FAM193A: variants seen among roughly 807,000 people sequenced by gnomAD.
The protein encoded by FAM193A is family with sequence similarity 193 member A, also known as protein FAM193A.
In FAM193A, 22 loss-of-function variants were observed where a neutral mutation model predicts 126.5. The observed-to-expected ratio is 0.17, with a 90% CI of 0.12 to 0.25. The LOEUF is 0.25. Among genes scored for constraint, FAM193A ranks in the 10% least tolerant of loss-of-function variants. FAM193A has a pLI of 1.00. For missense variants in FAM193A, 1,675 were observed against 1,672.8 expected, an observed-to-expected ratio of 1.00 and a Z score of -0.02; for synonymous variants, 761 against 646.8, an observed-to-expected ratio of 1.18 and a Z score of -2.68.
chr4:2,726,862 A>C (rs1262491506), intron 20 of FAM193A, among the ~76,000 whole-genome samples: 2 of 149,260 alleles, frequency 1.3e-5, no homozygotes, highest in Non-Finnish European at 1.5e-5. Flanking sequence ...AGGCAGGAGA[A>C]TCTCTTGAAC....
At chr4:2,703,902 T>A (rs1718018989) in intron 19 of FAM193A, among the ~76,000 whole-genome samples, 1 of 143,834 alleles carries the variant, frequency 7.0e-6, no homozygotes, top group Non-Finnish European at 1.5e-5. Flanking sequence ...AGCCCAGGAG[T>A]TTGAGGCTGC....
chr4:2,641,203 C>T (rs184802622), intron 6 of FAM193A, among the ~76,000 whole-genome samples: 11 of 151,362 alleles, frequency 7.3e-5, no homozygotes, highest in Admixed American at 5.2e-4. Flanking sequence ...TGCACCACCA[C>T]GCCTGGCTAA....
intron 1 of FAM193A, among the ~76,000 whole-genome samples, chr4:2,560,988 C>T (rs1355401619): frequency 6.6e-6 from 1 of 152,156 alleles, no homozygotes; most frequent in Non-Finnish European, 1.5e-5. Context: ...GTGATATCCA[C>T]CTTTCTAGAA....
intron 1 of FAM193A, among the ~76,000 whole-genome samples, chr4:2,554,965 A>G (rs573136000): frequency 1.3e-5 from 2 of 152,164 alleles, no homozygotes; most frequent in Non-Finnish European, 2.9e-5. Flanking sequence ...ATATTATTTG[A>G]AATGAATTTC....
chr4:2,680,946 C>A (rs1292784759), intron 13 of FAM193A, among the ~76,000 whole-genome samples: 1 of 152,130 alleles, frequency 6.6e-6, no homozygotes, highest in Non-Finnish European at 1.5e-5. Context: ...CGAGCCCAGC[C>A]AGTACTTTCT....
At chr4:2,699,086 C>T (rs1383712833) in intron 18 of FAM193A, among the ~76,000 whole-genome samples, 4 of 152,120 alleles carry the variant, frequency 2.6e-5, no homozygotes, top group Non-Finnish European at 4.4e-5. Context: ...TTTGTAGAGA[C>T]GGGGTTTTGC....
At chr4:2,622,231 T>C (rs1245308119) in intron 2 of FAM193A, among the ~76,000 whole-genome samples, 1 of 119,684 alleles carries the variant, frequency 8.4e-6, no homozygotes, top group Non-Finnish European at 1.6e-5. Context: ...CACTCCAGCC[T>C]GGGTGATAGA....
intron 1 of FAM193A, among the ~76,000 whole-genome samples, chr4:2,549,556 T>C (rs13151507): frequency 0.98 from 144,115 of 146,414 alleles, 70,957 homozygotes; most frequent in Middle Eastern, 1. Context: ...GCCACTACGC[T>C]CGGCTAATTT....
intron 1 of FAM193A, among the ~76,000 whole-genome samples, chr4:2,539,009 C>T (rs1382122985): frequency 1.3e-5 from 2 of 151,948 alleles, no homozygotes; most frequent in Non-Finnish European, 2.9e-5. Context: ...TCCTGCCTAA[C>T]CCTCTCAAGT....
chr4:2,690,407 G>GA (rs1349583298), intron 14 of FAM193A, among the ~76,000 whole-genome samples: 1 of 152,220 alleles, frequency 6.6e-6, no homozygotes, highest in Admixed American at 6.5e-5. Flanking sequence ...TGGCCTCTCT[G>GA]AGCCTCAGTT....
intron 13 of FAM193A, among the ~76,000 whole-genome samples, chr4:2,680,097 G>T (rs1053850753): frequency 1.3e-5 from 2 of 152,098 alleles, no homozygotes; most frequent in African/African-American, 4.8e-5. Flanking sequence ...CTGACCTCAG[G>T]TTATCCACCC....
intron 1 of FAM193A, among the ~76,000 whole-genome samples, chr4:2,542,492 A>G (rs1474277708): frequency 1.3e-5 from 2 of 152,204 alleles, no homozygotes. Flanking sequence ...TTTCTTTGTA[A>G]GTATTTTAAT....
At chr4:2,629,203 A>G (rs1179176092) in intron 4 of FAM193A, among the ~76,000 whole-genome samples, 1 of 145,354 alleles carries the variant, frequency 6.9e-6, no homozygotes, top group Non-Finnish European at 1.5e-5. Flanking sequence ...TTAAATTTAT[A>G]AAATACAGAA....
intron 7 of FAM193A, among the ~76,000 whole-genome samples, chr4:2,647,099 G>A (rs1745225149): frequency 1.3e-5 from 2 of 152,136 alleles, no homozygotes; most frequent in African/African-American, 4.8e-5. Context: ...GGGCACACCT[G>A]CTGTCACTCA....
intron 5 of FAM193A, among the ~76,000 whole-genome samples, chr4:2,632,410 A>T (rs1743683286): frequency 7.9e-5 from 12 of 152,138 alleles, no homozygotes; most frequent in South Asian, 4.1e-4. Flanking sequence ...TACCAAAAAA[A>T]TTTAAAATTA....
At chr4:2,637,321 T>A (rs1286046400) in intron 5 of FAM193A, among the ~76,000 whole-genome samples, 1 of 152,208 alleles carries the variant, frequency 6.6e-6, no homozygotes, top group Admixed American at 6.5e-5. Flanking sequence ...AGTGAGACCC[T>A]GTCTCAGTCA....
At chr4:2,699,588 T>C in intron 18 of FAM193A, 92 bp from the exon 19 acceptor site, 1 of 1,259,310 alleles carries the variant, frequency 7.9e-7, no homozygotes, top group South Asian at 1.5e-5. Context: ...GTTCCATATG[T>C]GATTCGTTTT....
chr4:2,625,719 C>CTTTT (rs35220520), intron 3 of FAM193A, among the ~76,000 whole-genome samples: 11 of 79,310 alleles, frequency 1.4e-4, no homozygotes, highest in African/African-American at 5.5e-4. Context: ...TGGAGCTCAT[C>CTTTT]TTTTTTTTTT....
intron 19 of FAM193A, chr4:2,708,003 G>T (rs1017981900): frequency 3.2e-5 from 9 of 283,510 alleles, no homozygotes; most frequent in Non-Finnish European, 5.1e-5. Context: ...TCCTGCCTTA[G>T]CCTCCCAAAG....
Sources: allele counts gnomAD v4.1 joint callset (sites outside exome capture counted in the v4.1 genomes callset), GRCh38; gene constraint gnomAD v4.1.1; transcripts MANE v1.5; gene names NCBI Gene and HGNC (gene_info 2026-07-23, HGNC 2026-07-21).